SMG6: variants seen among roughly 807,000 people sequenced by gnomAD.
The protein encoded by SMG6 is telomerase-binding protein EST1A.
In SMG6, 66 loss-of-function variants were observed where a neutral mutation model predicts 142.2. The ratio of observed to expected loss-of-function variants is 0.46; its 90% CI spans 0.38 to 0.57. The LOEUF (loss-of-function observed/expected upper bound fraction) is 0.57. Among genes scored for constraint, SMG6 ranks in the 20% least tolerant of loss-of-function variants. The pLI, the probability that SMG6 is intolerant of heterozygous loss-of-function variation, is 0.00. For synonymous variants in SMG6, 779 were observed against 702.4 expected (o/e 1.11, Z -1.72); for missense variants, 1,793 against 1,832.0 (o/e 0.98, Z 0.39).
chr17:2,238,674 TG>T (rs1276760364), intron 9 of SMG6, among the ~76,000 whole-genome samples: 2 of 152,186 alleles, frequency 1.3e-5, no homozygotes, highest in Admixed American at 1.3e-4. Context: ...AAGTGTCACG[TG>T]GGACAGTTTT....
chr17:2,219,177 G>A (rs1367813617), intron 10 of SMG6, among the ~76,000 whole-genome samples: 6 of 151,742 alleles, frequency 4.0e-5, no homozygotes, highest in Non-Finnish European at 8.8e-5. Context: ...CTGAGGTCAG[G>A]AGTTTGAGAC....
intron 6 of SMG6, among the ~76,000 whole-genome samples, chr17:2,285,885 G>C (rs1031287610): frequency 3.3e-5 from 5 of 151,964 alleles, no homozygotes; most frequent in African/African-American, 9.7e-5. Flanking sequence ...AGTTAGCCAG[G>C]CTGGTCTGGA....
chr17:2,061,428 A>G lies in SMG6; in HGVS notation c.*64T>C. On this transcript the variant is annotated 3_prime_UTR_variant, in exon 19 of 19. Coordinates refer to ENST00000263073, the MANE Select transcript of SMG6 (RefSeq NM_017575.5). ...CAGGCACGTGGGCATCTTCCGTGCT[A>G]CACTGGGCGCCTGGTGGCCTTTCAG... is the stretch of plus-strand genomic sequence containing the variant. 6.7e-7 allele frequency: 1 copy of G among 1,495,804 alleles called. No individual in the cohort carries two copies. The highest frequency in any genetic ancestry group is 1.2e-5 in the South Asian group (1 of 82,388). 92.7% of individuals were successfully genotyped at this position (1,495,804 alleles called of 1,614,324 possible).
intron 10 of SMG6, chr17:2,212,804 A>G (rs2072903716): frequency 6.6e-6 from 1 of 152,274 alleles, no homozygotes; most frequent in South Asian, 2.1e-4. Flanking sequence ...GGACCTACTC[A>G]AGCGGGAAGG....
At chr17:2,255,050 T>C (rs1044381995) in intron 8 of SMG6, among the ~76,000 whole-genome samples, 4 of 152,160 alleles carry the variant, frequency 2.6e-5, no homozygotes, top group African/African-American at 7.2e-5. Flanking sequence ...GGCTAGATGA[T>C]TGATTCTGTA....
rs2075210953 is a variant in SMG6 at position 2,299,106 on chromosome 17, A to T, written c.1647T>A (p.Thr549=). 2 of 1,613,932 alleles carry T rather than the reference A, an allele frequency of 1.2e-6. No individual in the cohort carries two copies. Among genetic ancestry groups the T allele is most frequent in the African/African-American group, 2.7e-5 (2 of 74,908 alleles). Residue 549 remains threonine, a synonymous_variant, in exon 2 of 19, where the codon ACT becomes ACA. Transcript: ENST00000263073. The surrounding 1 kb of genome is among the most constrained non-coding windows in gnomAD (Gnocchi z 4.3). The part of the protein sequence containing the change: ...YPGPYYPGYP[T]PSGQYVCSPL... ...GGCTACACACATACTGTCCTGACGG[A>T]GTCGGGTAGCCTGGGTAGTAAGGCC...
At chr17:2,219,283 G>T (rs1282685048) in intron 10 of SMG6, among the ~76,000 whole-genome samples, 1 of 152,182 alleles carries the variant, frequency 6.6e-6, no homozygotes, top group African/African-American at 2.4e-5. Flanking sequence ...TACATCGGAG[G>T]CTGAGGCAGG....
intron 13 of SMG6, among the ~76,000 whole-genome samples, chr17:2,149,973 G>C (rs2070777167): frequency 6.6e-6 from 1 of 152,220 alleles, no homozygotes; most frequent in Non-Finnish European, 1.5e-5. Flanking sequence ...AAGGAGACAG[G>C]TTAGATTCTG....
intron 10 of SMG6, among the ~76,000 whole-genome samples, chr17:2,219,803 C>CAAAAAAAAAAAAAAAAAAA (rs72234069): frequency 3.4e-5 from 4 of 118,096 alleles, no homozygotes; most frequent in African/African-American, 6.3e-5. Context: ...GACCCTTTAT[C>CAAAAAAAAAAAAAAAAAAA]AAAAAAAAAA....
At position 2,165,775 on chromosome 17, in the gene SMG6, C is replaced by T. The variant is rs1010066505; in HGVS notation, c.3357+6883G>A. On this transcript the variant is annotated intron_variant, in intron 13 of 18. Coordinates refer to ENST00000263073, the MANE Select transcript of SMG6 (RefSeq NM_017575.5). ...AAATAATTAGCCAGGTGAGGTGACG[C>T]TTGCCTGTAGTCCCAGCTACTCAGG... Among the ~76,000 whole-genome samples the T allele has an allele frequency of 2.6e-4, 40 of 152,200 alleles. 1 individual carries two copies. The highest frequency in any genetic ancestry group is 2.1e-3 in the Admixed American group (32 of 15,294).
chr17:2,182,187 A>G (rs945406715), intron 12 of SMG6, among the ~76,000 whole-genome samples: 9 of 152,168 alleles, frequency 5.9e-5, no homozygotes, highest in Admixed American at 2.0e-4. Context: ...TTTCGTTCCA[A>G]AACTGCAAAC....
chr17:2,303,549 G>C, intron 1 of SMG6, 84 bp downstream of exon 1: 5 of 1,344,868 alleles, frequency 3.7e-6, no homozygotes, highest in Non-Finnish European at 3.8e-6. Context: ...CCGGAGCCGA[G>C]GGCCGAGCGG....
At chr17:2,178,083 C>T (rs904680872) in intron 12 of SMG6, among the ~76,000 whole-genome samples, 1 of 152,142 alleles carries the variant, frequency 6.6e-6, no homozygotes, top group East Asian at 1.9e-4. Flanking sequence ...GAATAATACC[C>T]GGGCTTGAAA....
chr17:2,265,826 G>C (rs1224352069), intron 8 of SMG6: 1 of 237,890 alleles, frequency 4.2e-6, no homozygotes, highest in South Asian at 1.6e-4. Context: ...TTAATTTAGA[G>C]ATGCTGGTTA....
chr17:2,230,186 C>A (rs1452884103), intron 10 of SMG6, among the ~76,000 whole-genome samples: 2 of 8,182 alleles, frequency 2.4e-4, no homozygotes, highest in East Asian at 1.6e-3. Flanking sequence ...ACTCCGTCTC[C>A]AAAAAAAAAA....
chr17:2,094,872 G>T (rs2068814660), intron 13 of SMG6: 1 of 152,186 alleles, frequency 6.6e-6, no homozygotes, highest in African/African-American at 2.4e-5. Context: ...TTCTTGAACT[G>T]TTCCTTCATG....
At chr17:2,205,735 C>T (rs1373601943) in intron 10 of SMG6, among the ~76,000 whole-genome samples, 3 of 152,150 alleles carry the variant, frequency 2.0e-5, no homozygotes, top group Non-Finnish European at 4.4e-5. Flanking sequence ...AAAGCATGGA[C>T]TCTATGCAAG....
Position 2,269,897 on chromosome 17 carries a change from C to T in SMG6, c.2661+12750G>A, listed in dbSNP as rs185509953. On this transcript the variant is annotated intron_variant, in intron 8 of 18. Coordinates refer to ENST00000263073, the MANE Select transcript of SMG6 (RefSeq NM_017575.5). The stretch of plus-strand genomic sequence containing the variant: ...TAGGACTTCAGGCCAGGCATGGTGG[C>T]TCACGCCTGTAATCCTAGTGCTTTG... Among the ~76,000 whole-genome samples the T allele has an allele frequency of 2.6e-5, 4 of 152,314 alleles. No individual in the cohort carries two copies. In the East Asian group the frequency reaches 7.7e-4, roughly 29 times the overall value.
chr17:2,060,177 C>T lies in SMG6; in HGVS notation c.*1315G>A, dbSNP rs2067732212. 1 of 152,334 alleles carries T rather than the reference C, an allele frequency of 6.6e-6. No homozygotes were observed. Among genetic ancestry groups the T allele is most frequent in the South Asian group, 2.1e-4 (1 of 4,834 alleles). 9.4% of individuals were successfully genotyped at this position (152,334 alleles called of 1,614,324 possible). A position where few individuals can be genotyped will look rare whatever the true frequency, so the allele number is the denominator to read the frequency against. ...GGGCTCTGGGGTATCCCCCACTGGTCCCATTAAGATTTGCCCCTGGCTCCA... is the reference window on the plus strand; with the variant it reads ...GGGCTCTGGGGTATCCCCCACTGGTTCCATTAAGATTTGCCCCTGGCTCCA... On this transcript the variant is annotated 3_prime_UTR_variant, in exon 19 of 19. Coordinates refer to ENST00000263073, the MANE Select transcript of SMG6 (RefSeq NM_017575.5).
Sources: gnomAD v4.1 joint callset for allele counts (sites outside exome capture counted in the v4.1 genomes callset) on GRCh38, gnomAD v4.1.1 for gene constraint, Gnocchi (gnomAD v3.1) non-coding constraint, MANE v1.5 for transcripts, NCBI Gene and HGNC (gene_info 2026-07-23, HGNC 2026-07-21) for gene names.